The following VWA2 variants were observed in gnomAD, a reference collection of about 807,000 sequenced individuals.
VWA2 encodes von Willebrand factor A domain containing 2.
VWA2 carries 73 observed loss-of-function variants against 70.4 expected under a neutral mutation model. The ratio of observed to expected loss-of-function variants is 1.04; its 90% CI spans 0.86 to 1.26. The LOEUF is 1.26. Ranked by LOEUF, VWA2 falls within the 50% of genes most tolerant of loss-of-function variation. The pLI, the probability that VWA2 is intolerant of heterozygous loss-of-function variation, is 0.00. For missense variants in VWA2, 1,011 were observed against 998.5 expected (o/e 1.01, Z -0.17); for synonymous variants, 407 against 423.3 (o/e 0.96, Z 0.47).
At chr10:114,255,341 C>A (rs988179367) in intron 4 of VWA2, among the ~76,000 whole-genome samples, 5 of 151,952 alleles carry the variant, frequency 3.3e-5, no homozygotes, top group Admixed American at 2.6e-4. Flanking sequence ...AGCTAGTGAC[C>A]CTATTAGAAA....
chr10:114,284,745 G>C, intron 9 of VWA2, 118 bp from the exon 10 acceptor site: 2 of 895,068 alleles, frequency 2.2e-6, no homozygotes, highest in South Asian at 3.3e-5. Flanking sequence ...GACTGTGGGG[G>C]AAGGGAGGGG....
At chr10:114,285,036 C>A in intron 10 of VWA2, 66 bp downstream of exon 10, 1 of 1,279,266 alleles carries the variant, frequency 7.8e-7, no homozygotes, top group Non-Finnish European at 1.1e-6. Flanking sequence ...CTCCCCTTTT[C>A]ATTGCACGCC....
intron 9 of VWA2, among the ~76,000 whole-genome samples, 162 bp downstream of exon 9, chr10:114,282,733 C>T (rs1468619123): frequency 1.3e-5 from 2 of 152,156 alleles, no homozygotes; most frequent in African/African-American, 4.8e-5. Context: ...GCTCTTGACT[C>T]CCTCAATGGT....
chr10:114,254,752 G>A (rs1281189502), intron 3 of VWA2, among the ~76,000 whole-genome samples, 163 bp from the exon 4 acceptor site: 1 of 152,176 alleles, frequency 6.6e-6, no homozygotes, highest in Admixed American at 6.5e-5. Context: ...CCTGTGGTGC[G>A]TGTGCTTCCT....
chr10:114,239,876 G>A (rs1006232382), intron 1 of VWA2, among the ~76,000 whole-genome samples: 2 of 152,218 alleles, frequency 1.3e-5, no homozygotes, highest in African/African-American at 4.8e-5. Flanking sequence ...CAGCAGGTAA[G>A]TGGGTAGGGG....
rs563647082 is a variant in VWA2 at position 114,278,571 on chromosome 10, T to C, written c.701-148T>C. On this transcript the variant is annotated intron_variant, in intron 7 of 13. Coordinates refer to ENST00000392982, the MANE Select transcript of VWA2 (RefSeq NM_001272046.2). ...GAGCAGGGCCCTTCACCCAGAGATATGCCCTGACCTGAGAGAGCAGAAAGT... is the reference window on the plus strand; with the variant it reads ...GAGCAGGGCCCTTCACCCAGAGATACGCCCTGACCTGAGAGAGCAGAAAGT... The C allele has an allele frequency of 4.5e-5, 51 of 1,133,090 alleles. No homozygotes were observed. The African/African-American group carries it at 4.7e-4, about 11-fold the overall frequency. The allele number at this position is 1,133,090 out of a possible 1,614,324, so 70.2% of individuals were successfully genotyped here. A position where few individuals can be genotyped will look rare whatever the true frequency, so the allele number is the denominator to read the frequency against.
At chr10:114,279,602 C>G (rs2037961933) in intron 8 of VWA2, among the ~76,000 whole-genome samples, 1 of 152,190 alleles carries the variant, frequency 6.6e-6, no homozygotes, top group Admixed American at 6.5e-5. Flanking sequence ...AAGGCCAGCC[C>G]CCTACATAAG....
Position 114,286,188 on chromosome 10 carries a change from G to A in VWA2, c.1247G>A (p.Arg416His), listed in dbSNP as rs751716057. ...TGGAGCCTCGATGGCATTCCCTTCC[G>A]TGGTGGCCCCACCCTGACGGGCAGT... ...LVWSLDGIPF[R>H]GGPTLTGSAL... The change falls in exon 11 of 14, where the codon CGT becomes CAT. Residue 416 changes from arginine (R) to histidine (H), a missense_variant. By Grantham distance (29) the Arg-to-His change is conservative (BLOSUM62 0). Transcript: ENST00000392982. 2.7e-5 allele frequency: 44 copies of A among 1,613,944 alleles called. No homozygotes were observed. The South Asian group carries it at 3.6e-4, about 13-fold the overall frequency.
intron 6 of VWA2, 65 bp downstream of exon 6, chr10:114,272,999 T>C: frequency 1.4e-6 from 2 of 1,410,912 alleles, no homozygotes; most frequent in Non-Finnish European, 1.9e-6. Flanking sequence ...GACATGGCCA[T>C]GGGAGGGAAG....
intron 9 of VWA2, among the ~76,000 whole-genome samples, chr10:114,283,563 G>A (rs1312418969): frequency 6.6e-6 from 1 of 152,222 alleles, no homozygotes; most frequent in African/African-American, 2.4e-5. Flanking sequence ...GGAAACTAGA[G>A]TGAAATGGCT....
At chr10:114,285,305 A>G (rs938049381) in intron 10 of VWA2, among the ~76,000 whole-genome samples, 1 of 152,176 alleles carries the variant, frequency 6.6e-6, no homozygotes, top group Non-Finnish European at 1.5e-5. Context: ...TTTCTTCTCT[A>G]TTCTATGAAA....
At chr10:114,261,462 C>T (rs1762728487) in intron 5 of VWA2, among the ~76,000 whole-genome samples, 167 bp downstream of exon 5, 1 of 152,098 alleles carries the variant, frequency 6.6e-6, no homozygotes, top group Non-Finnish European at 1.5e-5. Flanking sequence ...CAAGGCTGCC[C>T]CTCCTTATTG....
chr10:114,278,791 C>T lies in VWA2; in HGVS notation c.773C>T (p.Pro258Leu), dbSNP rs201135176. The T allele has an allele frequency of 1.3e-4, 205 of 1,613,690 alleles. No individual in the cohort carries two copies. Among genetic ancestry groups the T allele is most frequent in the Middle Eastern group, 3.5e-4 (2 of 5,774 alleles). Reference sequence around the variant, plus strand: ...GTCCGGGAGTTCGCTGGCAATGCCCCATGCTGGAGAGGATCGCGGCGGACC... The same window carrying T: ...GTCCGGGAGTTCGCTGGCAATGCCCTATGCTGGAGAGGATCGCGGCGGACC... ...EMVREFAGNA[P>L]CWRGSRRTLA... The change falls in exon 8 of 14, where the codon CCA becomes CTA. Residue 258 changes from proline (P) to leucine (L), a missense_variant. Coordinates refer to ENST00000392982, the MANE Select transcript of VWA2 (RefSeq NM_001272046.2).
chr10:114,275,558 C>T (rs113445371), intron 6 of VWA2, among the ~76,000 whole-genome samples: 24,227 of 114,568 alleles, frequency 0.21, 2,075 homozygotes, highest in African/African-American at 0.38. Context: ...CAGTGCCTCT[C>T]AAACTGGACC....
chr10:114,258,147 A>G (rs1376201203), intron 4 of VWA2, among the ~76,000 whole-genome samples: 1 of 152,178 alleles, frequency 6.6e-6, no homozygotes, highest in East Asian at 1.9e-4. Flanking sequence ...CATGAGGGCA[A>G]TTTAAGATGG....
chr10:114,248,809 G>T, intron 2 of VWA2, 44 bp downstream of exon 2: 2 of 1,567,874 alleles, frequency 1.3e-6, no homozygotes, highest in Non-Finnish European at 1.8e-6. Flanking sequence ...GGCGTGTTGA[G>T]TAGGGGGGTT....
At chr10:114,281,715 G>A (rs1050735946) in intron 8 of VWA2, 15 of 985,094 alleles carry the variant, frequency 1.5e-5, no homozygotes, top group Middle Eastern at 5.2e-4. Flanking sequence ...GCGGGGCTGG[G>A]GCACTGCGGG....
chr10:114,277,289 C>T (rs564505354), intron 6 of VWA2, among the ~76,000 whole-genome samples: 1 of 146,410 alleles, frequency 6.8e-6, no homozygotes, highest in East Asian at 2.1e-4. Context: ...GTTCAAGTGG[C>T]TCTCCTGTCT....
At chr10:114,288,239 T>A (rs1003786722) in intron 11 of VWA2, among the ~76,000 whole-genome samples, 2 of 152,210 alleles carry the variant, frequency 1.3e-5, no homozygotes, top group African/African-American at 4.8e-5. Flanking sequence ...TGACCCCTTC[T>A]CCCAGTCTTG....
Sources: allele counts gnomAD v4.1 joint callset (sites outside exome capture counted in the v4.1 genomes callset), GRCh38; gene constraint gnomAD v4.1.1; transcripts MANE v1.5; gene names NCBI Gene and HGNC (gene_info 2026-07-23, HGNC 2026-07-21).